The following COMMD1 variants were observed in gnomAD, a reference collection of about 807,000 sequenced individuals.
COMMD1 encodes copper metabolism domain containing 1.
In COMMD1, 10 loss-of-function variants were observed where a neutral mutation model predicts 17.2. The ratio of observed to expected loss-of-function variants is 0.58; its 90% confidence interval spans 0.36 to 0.99. The LOEUF (loss-of-function observed/expected upper bound fraction) is 0.99. Among genes scored for constraint, COMMD1 ranks in the 50% least tolerant of loss-of-function variants. COMMD1 has a pLI of 0.01. For missense variants in COMMD1, 270 were observed against 231.8 expected, an observed-to-expected ratio of 1.17 and a Z score of -1.07; for synonymous variants, 97 against 91.6, an observed-to-expected ratio of 1.06 and a Z score of -0.34.
intron 1 of COMMD1, among the ~76,000 whole-genome samples, chr2:61,984,694 A>G (rs1672055869): frequency 6.6e-6 from 1 of 152,200 alleles, no homozygotes; most frequent in South Asian, 2.1e-4. Flanking sequence ...GTGCAGATGA[A>G]GTTAAATGTT....
intron 2 of COMMD1, among the ~76,000 whole-genome samples, chr2:62,056,387 T>C (rs576403637): frequency 6.7e-4 from 102 of 152,314 alleles, no homozygotes; most frequent in African/African-American, 2.3e-3. Flanking sequence ...TTTTGAGTTA[T>C]GAGAGCCACT....
intron 2 of COMMD1, among the ~76,000 whole-genome samples, chr2:62,049,066 T>C (rs1670464852): frequency 6.6e-6 from 1 of 152,184 alleles, no homozygotes. Context: ...GAAATCACAT[T>C]ACATGCAATA....
In COMMD1 at chr2:62,042,156, G is replaced by T. The variant is rs539475966; in HGVS notation, c.462+41174G>T. 9.8e-5 allele frequency among the ~76,000 whole-genome samples: 15 copies of T among 152,306 alleles called. No individual in the cohort carries two copies. In the South Asian group the frequency reaches 2.9e-3, roughly 29 times the overall value. Reference sequence around the variant, plus strand: ...TGATTGGTGCATTTGCAAACCTTTAGCTAGACACACAGCGCTGATTGGTGC... The same window carrying T: ...TGATTGGTGCATTTGCAAACCTTTATCTAGACACACAGCGCTGATTGGTGC... On this transcript the variant is annotated intron_variant, in intron 2 of 2. Coordinates refer to ENST00000311832, the MANE Select transcript of COMMD1 (RefSeq NM_152516.4).
At chr2:61,987,371 G>T (rs1006884137) in intron 1 of COMMD1, among the ~76,000 whole-genome samples, 3 of 152,160 alleles carry the variant, frequency 2.0e-5, no homozygotes, top group African/African-American at 4.8e-5. Flanking sequence ...TGGGGGTGTT[G>T]TGATCTAAGT....
At chr2:62,016,700 C>T (rs1669459586) in intron 2 of COMMD1, among the ~76,000 whole-genome samples, 1 of 152,104 alleles carries the variant, frequency 6.6e-6, no homozygotes, top group Admixed American at 6.5e-5. Flanking sequence ...TCCTTTGATG[C>T]ATAAAAGTTT....
intron 1 of COMMD1, among the ~76,000 whole-genome samples, chr2:61,970,997 C>G (rs1170262482): frequency 1.3e-5 from 2 of 152,164 alleles, no homozygotes; most frequent in African/African-American, 4.8e-5. Flanking sequence ...GGCCCCCTGT[C>G]TCCTGGGCTC....
At chr2:61,938,214 A>G (rs558309910) in intron 1 of COMMD1, among the ~76,000 whole-genome samples, 7 of 152,000 alleles carry the variant, frequency 4.6e-5, no homozygotes, top group African/African-American at 1.7e-4. Flanking sequence ...TGTTAACATC[A>G]TCAAACTGTT....
At chr2:62,080,401 T>G (rs2103977392) in intron 2 of COMMD1, among the ~76,000 whole-genome samples, 1 of 152,352 alleles carries the variant, frequency 6.6e-6, no homozygotes, top group South Asian at 2.1e-4. Context: ...TTTGAGTAAG[T>G]GGATAACATT....
intron 1 of COMMD1, among the ~76,000 whole-genome samples, chr2:61,967,020 C>T (rs926280966): frequency 1.3e-5 from 2 of 151,980 alleles, no homozygotes; most frequent in African/African-American, 4.8e-5. Flanking sequence ...TCCTGACTTC[C>T]ATAGCCAGCA....
chr2:62,012,258 A>AACACAC (rs1302194313), intron 2 of COMMD1, among the ~76,000 whole-genome samples: 29 of 102,314 alleles, frequency 2.8e-4, no homozygotes, highest in East Asian at 1.3e-3. Flanking sequence ...CCTTGTCTCA[A>AACACAC]ACACACACAC....
At chr2:61,895,034 A>G (rs1669525151) in intron 1 of COMMD1, among the ~76,000 whole-genome samples, 1 of 152,210 alleles carries the variant, frequency 6.6e-6, no homozygotes, top group South Asian at 2.1e-4. Flanking sequence ...GGATGCAATC[A>G]GTAAAATGTA....
At chr2:62,118,955 C>G (rs533689753) in intron 2 of COMMD1, 1 of 152,214 alleles carries the variant, frequency 6.6e-6, no homozygotes, top group African/African-American at 2.4e-5. Flanking sequence ...ACAGGACCCT[C>G]TAAGCACTGG....
chr2:61,986,624 A>G (rs557534923), intron 1 of COMMD1, among the ~76,000 whole-genome samples: 2 of 140,522 alleles, frequency 1.4e-5, no homozygotes, highest in Non-Finnish European at 3.0e-5. Context: ...GCTGGAGTGC[A>G]GTGGCATGAT....
intron 2 of COMMD1, among the ~76,000 whole-genome samples, chr2:62,051,305 C>G (rs1225491413): frequency 7.2e-5 from 11 of 152,134 alleles, no homozygotes; most frequent in Admixed American, 7.2e-4. Context: ...CATCTGAGAT[C>G]TCTGAGGGTT....
upstream of COMMD1, chr2:61,888,628 G>A (rs542940679): frequency 1.1e-4 from 140 of 1,226,340 alleles, no homozygotes; most frequent in African/African-American, 1.2e-3. Context: ...AAGCGGCGCC[G>A]GCGTCGGGAG....
intron 2 of COMMD1, among the ~76,000 whole-genome samples, chr2:62,056,622 GT>G (rs1462331995): frequency 1.3e-5 from 2 of 152,226 alleles, no homozygotes; most frequent in Non-Finnish European, 2.9e-5. Flanking sequence ...TTTCTGACAT[GT>G]TTCAAACATT....
intron 1 of COMMD1, 53 bp downstream of exon 1, chr2:61,905,911 G>A: frequency 6.4e-7 from 1 of 1,573,336 alleles, no homozygotes; most frequent in East Asian, 2.2e-5. Flanking sequence ...TTGGCCGCTG[G>A]CTTCAGACTC....
chr2:62,132,150 G>A (rs1320307518), intron 2 of COMMD1, among the ~76,000 whole-genome samples: 1 of 152,146 alleles, frequency 6.6e-6, no homozygotes, highest in Non-Finnish European at 1.5e-5. Context: ...GCTTCCCAAA[G>A]TGCTGGGATT....
intron 1 of COMMD1, among the ~76,000 whole-genome samples, chr2:61,997,361 A>G (rs1668795776): frequency 6.7e-6 from 1 of 150,226 alleles, no homozygotes; most frequent in South Asian, 2.1e-4. Context: ...ATGCCTGGTC[A>G]CAAAATGTAT....
Sources: allele counts gnomAD v4.1 joint callset (sites outside exome capture counted in the v4.1 genomes callset), GRCh38; gene constraint gnomAD v4.1.1; transcripts MANE v1.5; gene names NCBI Gene and HGNC (gene_info 2026-07-23, HGNC 2026-07-21).